The following CTCF variants were observed in gnomAD, a reference collection of about 807,000 sequenced individuals.
CTCF encodes transcriptional repressor CTCF.
A neutral mutation model predicts 72.3 loss-of-function variants in CTCF; 7 were observed. The observed-to-expected ratio is 0.10, with a 90% CI of 0.06 to 0.18. The LOEUF (loss-of-function observed/expected upper bound fraction) is 0.18, where lower values mean the gene tolerates loss of function less well. Among genes scored for constraint, CTCF ranks in the 10% least tolerant of loss-of-function variants. The probability of loss-of-function intolerance (pLI) is 1.00; values close to 1 mark genes in which losing one functional copy is unlikely to be tolerated. For synonymous variants in CTCF, 374 were observed against 315.8 expected, an observed-to-expected ratio of 1.18 and a Z score of -1.95; for missense variants, 516 against 949.1, an observed-to-expected ratio of 0.54 and a Z score of 6.00.
At chr16:67,580,898 G>T (rs1253208001) in intron 2 of CTCF, among the ~76,000 whole-genome samples, 1 of 151,580 alleles carries the variant, frequency 6.6e-6, no homozygotes, top group South Asian at 2.1e-4. Context: ...TTACAGGCGT[G>T]AGCCACCGCA....
intron 7 of CTCF, among the ~76,000 whole-genome samples, chr16:67,623,116 TG>T (rs1469609403): frequency 1.3e-5 from 2 of 150,356 alleles, no homozygotes; most frequent in African/African-American, 4.9e-5. Flanking sequence ...TGCCCGCCCA[TG>T]GCTAATTTTT....
chr16:67,626,887 G>A (rs1035217546), intron 8 of CTCF, 172 bp downstream of exon 8: 3 of 419,910 alleles, frequency 7.1e-6, no homozygotes, highest in African/African-American at 6.1e-5. Flanking sequence ...TGTCATCCCG[G>A]TGTCCAGATG....
At chr16:67,567,790 C>G (rs994989682) in intron 1 of CTCF, 1 of 149,778 alleles carries the variant, frequency 6.7e-6, no homozygotes, top group Admixed American at 6.7e-5. Context: ...CAGGATCCTA[C>G]TATGTTGCTC....
chr16:67,576,440 C>CA (rs2051497811), intron 2 of CTCF, among the ~76,000 whole-genome samples: 1 of 149,098 alleles, frequency 6.7e-6, no homozygotes, highest in Admixed American at 6.8e-5. Context: ...TTTTTTAATG[C>CA]AAATACTTTT....
chr16:67,577,282 T>TG (rs1158710721), intron 2 of CTCF, among the ~76,000 whole-genome samples: 1 of 140,340 alleles, frequency 7.1e-6, no homozygotes, highest in Non-Finnish European at 1.5e-5. Flanking sequence ...CCAGGCATGG[T>TG]GGCGGGCGCC....
chr16:67,603,641 C>T (rs921293172), intron 2 of CTCF, among the ~76,000 whole-genome samples: 4 of 151,342 alleles, frequency 2.6e-5, no homozygotes, highest in South Asian at 4.2e-4. Context: ...CTGGCTAACA[C>T]GGTGAAACCC....
At position 67,611,509 on chromosome 16, in the gene CTCF, A is replaced by G. The variant is rs2142826609; in HGVS notation, c.677A>G (p.Tyr226Cys). The change falls in exon 3 of 12, where the codon TAC (tyrosine) becomes TGC (cysteine). Residue 226 changes from tyrosine (Y) to cysteine (C), a missense_variant. Around this residue, in one of 7 missense-constraint regions of CTCF, gnomAD observed 53 missense variants for 63.6 expected, o/e 0.83. Transcript: ENST00000264010. ...EEGKDVDVSV[Y>C]DFEEEQQEGL... ...GGCAAAGATGTAGATGTGTCTGTCTACGATTTTGAGGAAGAACAGCAGGAG... is the reference window on the plus strand; with the variant it reads ...GGCAAAGATGTAGATGTGTCTGTCTGCGATTTTGAGGAAGAACAGCAGGAG... 1 of 1,614,212 alleles carries G rather than the reference A, an allele frequency of 6.2e-7. No individual in the cohort carries two copies.
rs536468395 is a variant in CTCF, at chr16:67,576,558, T to G, written c.-10+5294T>G. ...CATCCCTATAATAGAATGTTTTTTTTTTTTTTTTTTTTTGAGATGGTGTCT... is the reference window on the plus strand; with the variant it reads ...CATCCCTATAATAGAATGTTTTTTTGTTTTTTTTTTTTTGAGATGGTGTCT... On this transcript the variant is annotated intron_variant, in intron 2 of 11. Transcript: ENST00000264010. 3.4e-5 allele frequency among the ~76,000 whole-genome samples: 5 copies of G among 147,856 alleles called. No individual in the cohort carries two copies. The East Asian group carries it at 5.9e-4, about 17-fold the overall frequency.
intron 2 of CTCF, among the ~76,000 whole-genome samples, chr16:67,578,934 G>A (rs909697202): frequency 1.3e-5 from 2 of 150,098 alleles, no homozygotes; most frequent in African/African-American, 2.5e-5. Flanking sequence ...GGGGACAAGA[G>A]CAAGACTTCG....
At chr16:67,617,206 T>A (rs1456913413) in intron 5 of CTCF, among the ~76,000 whole-genome samples, 1 of 150,760 alleles carries the variant, frequency 6.6e-6, no homozygotes, top group Non-Finnish European at 1.5e-5. Context: ...TACTAAAAAA[T>A]AAAAAATTTA....
rs1567616577 is a variant in CTCF, at chr16:67,629,468, CGAA to C, written c.1778_1780del (p.Lys593del). Reference sequence around the variant, plus strand: ...GTAGAGGGGGAAAATGGAGGAGAAACGAAGAAGAGTAAACGTGGAAGAAAAAGA... The same window carrying C: ...GTAGAGGGGGAAAATGGAGGAGAAACGAAGAGTAAACGTGGAAGAAAAAGA... On this transcript the variant is annotated inframe_deletion, in exon 10 of 12. Coordinates refer to ENST00000264010, the MANE Select transcript of CTCF (RefSeq NM_006565.4). The C allele has an allele frequency of 3.7e-6, 6 of 1,612,574 alleles. No homozygotes were observed. The highest frequency in any genetic ancestry group is 1.7e-5 in the Admixed American group (1 of 59,778).
chr16:67,637,013 C>T (rs1282165792), intron 11 of CTCF, among the ~76,000 whole-genome samples, 162 bp downstream of exon 11: 1 of 152,064 alleles, frequency 6.6e-6, no homozygotes, highest in Non-Finnish European at 1.5e-5. Context: ...GGAGTTTTTA[C>T]TGAGGAACAT....
chr16:67,584,633 T>C lies in CTCF; in HGVS notation c.-10+13369T>C, dbSNP rs1238498972. On this transcript the variant is annotated intron_variant, in intron 2 of 11. Transcript: ENST00000264010. Reference sequence around the variant, plus strand: ...GAGCCACCGCATCTGGCCAGTCTTCTTTTTTTTTTTAAACTGTAAAGTGGT... The same window carrying C: ...GAGCCACCGCATCTGGCCAGTCTTCCTTTTTTTTTTAAACTGTAAAGTGGT... Among the ~76,000 whole-genome samples the C allele has an allele frequency of 4.2e-5, 6 of 143,112 alleles. No homozygotes were observed. The South Asian group carries it at 6.5e-4, about 16-fold the overall frequency. The allele number at this position is 143,112 out of a possible 152,430, so 93.9% of individuals were successfully genotyped here. A position where few individuals can be genotyped will look rare whatever the true frequency, so the allele number is the denominator to read the frequency against.
At chr16:67,579,828 C>T (rs1235509158) in intron 2 of CTCF, among the ~76,000 whole-genome samples, 2 of 152,096 alleles carry the variant, frequency 1.3e-5, no homozygotes, top group Non-Finnish European at 2.9e-5. Flanking sequence ...ATGGCATGTA[C>T]AAAGGCCCAG....
intron 2 of CTCF, among the ~76,000 whole-genome samples, chr16:67,592,981 G>A (rs376262260): frequency 1.3e-5 from 2 of 151,476 alleles, no homozygotes; most frequent in East Asian, 1.9e-4. Flanking sequence ...AGCCGAGATC[G>A]CGCCACTGCA....
chr16:67,592,262 A>T (rs1277617059), intron 2 of CTCF, among the ~76,000 whole-genome samples: 3 of 151,918 alleles, frequency 2.0e-5, no homozygotes, highest in African/African-American at 7.3e-5. Context: ...AAATACAAAA[A>T]TTTGCTGGGC....
At chr16:67,604,756 T>C (rs1406463431) in intron 2 of CTCF, among the ~76,000 whole-genome samples, 2 of 148,272 alleles carry the variant, frequency 1.3e-5, no homozygotes, top group African/African-American at 2.5e-5. Context: ...TTTTTTGTTT[T>C]TTTTTTTTAC....
chr16:67,621,273 T>G, intron 6 of CTCF, 169 bp from the exon 7 acceptor site: 1 of 559,482 alleles, frequency 1.8e-6, no homozygotes, highest in South Asian at 2.5e-5. Flanking sequence ...GTTTAGGACT[T>G]GGCCATATCT....
intron 10 of CTCF, among the ~76,000 whole-genome samples, chr16:67,630,970 T>C (rs2052354335): frequency 6.6e-6 from 1 of 152,088 alleles, no homozygotes; most frequent in East Asian, 1.9e-4. Context: ...TTTTAGGAAA[T>C]GGACTTCCCA....
Sources: allele counts gnomAD v4.1 joint callset (sites outside exome capture counted in the v4.1 genomes callset), GRCh38; gene constraint gnomAD v4.1.1; regional missense constraint gnomAD v4.1.1; transcripts MANE v1.5; gene names NCBI Gene and HGNC (gene_info 2026-07-23, HGNC 2026-07-21).